DSCAM: variants seen among roughly 807,000 people sequenced by gnomAD.
The protein encoded by DSCAM is cell adhesion molecule DSCAM.
DSCAM carries 47 observed loss-of-function variants against 217.7 expected under a neutral mutation model. The ratio of observed to expected loss-of-function variants is 0.22; its 90% CI spans 0.17 to 0.28. DSCAM has a LOEUF of 0.28. Among genes scored for constraint, DSCAM ranks in the 10% least tolerant of loss-of-function variants. The pLI is 1.00. For missense variants in DSCAM, 2,080 were observed against 2,618.3 expected (o/e 0.79, Z 4.49); for synonymous variants, 1,056 against 1,015.3 (o/e 1.04, Z -0.76).
chr21:40,594,808 C>T (rs2077009139), intron 3 of DSCAM, among the ~76,000 whole-genome samples: 1 of 152,170 alleles, frequency 6.6e-6, no homozygotes, highest in Admixed American at 6.5e-5. Flanking sequence ...TGGTGTTACT[C>T]AGGGGAGGGG....
intron 1 of DSCAM, among the ~76,000 whole-genome samples, chr21:40,759,461 C>T (rs774964279): frequency 1.6e-4 from 25 of 152,178 alleles, no homozygotes; most frequent in African/African-American, 3.6e-4. Context: ...TTAAAGTGCA[C>T]GTGACTCGCT....
intron 3 of DSCAM, among the ~76,000 whole-genome samples, chr21:40,542,925 T>A (rs1160557658): frequency 6.6e-6 from 1 of 151,944 alleles, no homozygotes; most frequent in Admixed American, 6.6e-5. Context: ...CAGGTAGGTG[T>A]CCTCTTCTGA....
Position 40,013,212 on chromosome 21 carries a change from G to A in DSCAM, c.5861C>T (p.Ala1954Val), listed in dbSNP as rs1252997797. The stretch of plus-strand genomic sequence containing the variant: ...CGACTGTCCTTCTCTCGTGGAGGAG[G>A]CGGAGGAGGCGGCTTCCATCGGGAT... ...EPIPMEAASS[A>V]SSTREGQSWQ... Residue 1954 changes from alanine (A) to valine (V), a missense_variant, in exon 33 of 33, where the codon GCC (alanine) becomes GTC (valine). Physicochemically the swap from Ala to Val is moderately conservative, Grantham distance 64. Transcript: ENST00000400454. 1.2e-6 allele frequency: 2 copies of A among 1,613,732 alleles called. No homozygotes were observed. Among genetic ancestry groups the A allele is most frequent in the East Asian group, 2.2e-5 (1 of 44,844 alleles).
At chr21:40,288,592 G>T (rs1416560673) in intron 10 of DSCAM, among the ~76,000 whole-genome samples, 1 of 152,120 alleles carries the variant, frequency 6.6e-6, no homozygotes, top group African/African-American at 2.4e-5. Flanking sequence ...ACAGAGAGAA[G>T]GCTGAAACAC....
chr21:40,800,648 C>T (rs1394731013), intron 1 of DSCAM, among the ~76,000 whole-genome samples: 2 of 152,028 alleles, frequency 1.3e-5, no homozygotes, highest in African/African-American at 2.4e-5. Context: ...TTATGGAAGG[C>T]CAAACTTAAG....
chr21:40,735,466 C>G (rs534486316), intron 1 of DSCAM, among the ~76,000 whole-genome samples: 8 of 152,098 alleles, frequency 5.3e-5, no homozygotes, highest in Admixed American at 3.9e-4. Flanking sequence ...GTCAAGATCC[C>G]AAAAAAAGGC....
At chr21:40,676,886 C>T (rs1051252055) in intron 3 of DSCAM, among the ~76,000 whole-genome samples, 3 of 152,130 alleles carry the variant, frequency 2.0e-5, no homozygotes, top group African/African-American at 4.8e-5. Flanking sequence ...AAACGAGTCA[C>T]GTGCATCCGG....
At position 40,665,145 on chromosome 21, in the gene DSCAM, T is replaced by G. The variant is rs547577869; in HGVS notation, c.508+27665A>C. Among the ~76,000 whole-genome samples the G allele has an allele frequency of 4.6e-5, 7 of 152,192 alleles. 1 individual carries two copies. In the South Asian group the frequency reaches 1.5e-3, roughly 32 times the overall value. The stretch of plus-strand genomic sequence containing the variant: ...CAATTAAACCTCTTTTCTTTATAAA[T>G]AGCAAGCAAAGGAATAAAGGAACGG... On this transcript the variant is annotated intron_variant, in intron 3 of 32. Transcript: ENST00000400454.
intron 3 of DSCAM, among the ~76,000 whole-genome samples, chr21:40,518,635 C>T (rs1400761832): frequency 7.8e-6 from 1 of 128,510 alleles, no homozygotes; most frequent in African/African-American, 3.1e-5. Context: ...CATACACACA[C>T]ATATATACAT....
At chr21:40,225,960 G>A (rs2091329226) in intron 11 of DSCAM, among the ~76,000 whole-genome samples, 1 of 152,172 alleles carries the variant, frequency 6.6e-6, no homozygotes, top group Non-Finnish European at 1.5e-5. Context: ...ATTCCAACAT[G>A]AAAATATCTA....
chr21:40,412,098 C>G (rs1479079083), intron 3 of DSCAM, among the ~76,000 whole-genome samples: 1 of 152,214 alleles, frequency 6.6e-6, no homozygotes, highest in Non-Finnish European at 1.5e-5. Flanking sequence ...ATGTGACTTG[C>G]TCTTCCTTGC....
chr21:40,440,123 G>A (rs1311029073), intron 3 of DSCAM, among the ~76,000 whole-genome samples: 2 of 152,208 alleles, frequency 1.3e-5, no homozygotes, highest in African/African-American at 4.8e-5. Flanking sequence ...TGATGTCAGT[G>A]GCCATGGTGA....
At chr21:40,473,800 GAC>G (rs374425738) in intron 3 of DSCAM, among the ~76,000 whole-genome samples, 124 of 152,242 alleles carry the variant, frequency 8.1e-4, no homozygotes, top group African/African-American at 2.8e-3. Context: ...TGAGAACACA[GAC>G]ACACACGGAG....
chr21:40,211,610 G>T (rs1313068376), intron 11 of DSCAM, among the ~76,000 whole-genome samples: 1 of 152,090 alleles, frequency 6.6e-6, no homozygotes, highest in Admixed American at 6.5e-5. Flanking sequence ...ATGCATTTTT[G>T]ATGTGTAGAC....
In DSCAM at chr21:40,142,712, C is replaced by A. The variant is rs764203236; in HGVS notation, c.3260-8G>T. On this transcript the variant is annotated splice_region_variant and splice_polypyrimidine_tract_variant and intron_variant, in intron 17 of 32. Transcript: ENST00000400454. ...CGGGGGGGTAACTGGGCACTGAAAT[C>A]AAATAATTAGAATCTGTAATAACTG... 4 of 1,612,604 alleles carry A rather than the reference C, an allele frequency of 2.5e-6. No homozygotes were observed. In the African/African-American group the frequency reaches 4.0e-5, roughly 16 times the overall value.
At chr21:40,236,688 A>G (rs1181826739) in intron 11 of DSCAM, among the ~76,000 whole-genome samples, 2 of 152,180 alleles carry the variant, frequency 1.3e-5, no homozygotes, top group African/African-American at 4.8e-5. Context: ...TGAGGTTAAT[A>G]ATAGTACTGA....
intron 19 of DSCAM, among the ~76,000 whole-genome samples, chr21:40,130,582 G>C (rs1231840916): frequency 6.6e-6 from 1 of 151,890 alleles, no homozygotes; most frequent in Non-Finnish European, 1.5e-5. Context: ...TGGCCCTGAG[G>C]CTCCGACCAC....
intron 1 of DSCAM, among the ~76,000 whole-genome samples, chr21:40,807,540 C>G (rs1376004432): frequency 2.0e-5 from 3 of 152,220 alleles, no homozygotes; most frequent in African/African-American, 7.2e-5. Flanking sequence ...CTCCCTAGAC[C>G]TGTTCCCTCC....
chr21:40,495,764 C>G (rs1393777743), intron 3 of DSCAM, among the ~76,000 whole-genome samples: 1 of 152,034 alleles, frequency 6.6e-6, no homozygotes, highest in Non-Finnish European at 1.5e-5. Context: ...GGCTACATAT[C>G]TTTTATGTAG....
Sources: gnomAD v4.1 joint callset for allele counts (sites outside exome capture counted in the v4.1 genomes callset) on GRCh38, gnomAD v4.1.1 for gene constraint, MANE v1.5 for transcripts, NCBI Gene and HGNC (gene_info 2026-07-23, HGNC 2026-07-21) for gene names.